TGM6: variants seen among roughly 807,000 people sequenced by gnomAD.
TGM6 encodes the protein transglutaminase 6.
TGM6 carries 74 observed loss-of-function variants against 77.5 expected under a neutral mutation model. The ratio of observed to expected loss-of-function variants is 0.96; its 90% CI spans 0.79 to 1.16. The LOEUF (loss-of-function observed/expected upper bound fraction) is 1.16. TGM6 is among the 50% of genes most tolerant of loss of function. The probability of loss-of-function intolerance (pLI) is 0.00; values close to 1 mark genes in which losing one functional copy is unlikely to be tolerated. For synonymous variants in TGM6, 383 were observed against 378.9 expected, an observed-to-expected ratio of 1.01 and a Z score of -0.12; for missense variants, 968 against 940.2, an observed-to-expected ratio of 1.03 and a Z score of -0.39.
At chr20:2,385,120 G>A (rs2084585732) in intron 1 of TGM6, among the ~76,000 whole-genome samples, 1 of 152,200 alleles carries the variant, frequency 6.6e-6, no homozygotes. Flanking sequence ...TCGGCCAAGG[G>A]AATTTGTGCC....
Position 2,403,891 on chromosome 20 carries a change from C to T in TGM6, c.1336+68C>T, listed in dbSNP as rs552753944. 2.1e-5 allele frequency: 34 copies of T among 1,612,504 alleles called. No individual in the cohort carries two copies. In the East Asian group the frequency reaches 7.4e-4, roughly 35 times the overall value. On this transcript the variant is annotated intron_variant, in intron 9 of 12. Transcript: ENST00000202625. The stretch of plus-strand genomic sequence containing the variant: ...CCCATCAGCTGCAGAGGGCCCACTG[C>T]AGGTGGCCTGGAGCCAGGCCTCACC...
In TGM6 at chr20:2,394,520, C is replaced by A. The variant is rs766248910; in HGVS notation, c.76C>A (p.Pro26Thr). Residue 26 changes from proline to threonine, a missense_variant, in exon 2 of 13, where the codon CCC (proline) becomes ACC (threonine). Physicochemically the swap from Pro to Thr is conservative, Grantham distance 38. Coordinates refer to ENST00000202625, the MANE Select transcript of TGM6 (RefSeq NM_198994.3). Reference protein sequence around the residue: ...NGAAHHTQEYPCPELVVRRGQ... With the variant: ...NGAAHHTQEYTCPELVVRRGQ... Reference sequence around the variant, plus strand: ...CGCTGCCCACCACACCCAGGAGTACCCCTGCCCTGAGCTGGTGGTTCGCAG... The same window carrying A: ...CGCTGCCCACCACACCCAGGAGTACACCTGCCCTGAGCTGGTGGTTCGCAG... 9 of 1,611,882 alleles carry A rather than the reference C, an allele frequency of 5.6e-6. No individual in the cohort carries two copies. Among genetic ancestry groups the A allele is most frequent in the Admixed American group, 1.7e-5 (1 of 60,016 alleles).
intron 1 of TGM6, among the ~76,000 whole-genome samples, chr20:2,385,850 G>A (rs1301721591): frequency 1.3e-5 from 2 of 152,140 alleles, no homozygotes; most frequent in African/African-American, 2.4e-5. Context: ...ATATGCCCTG[G>A]GCCCTTAACC....
intron 3 of TGM6, 82 bp downstream of exon 3, chr20:2,395,518 G>T (rs931938172): frequency 6.8e-6 from 11 of 1,611,140 alleles, no homozygotes; most frequent in Non-Finnish European, 9.3e-6. Context: ...GGGCCTGGGA[G>T]GTGGGTTAAA....
chr20:2,398,271 C>A (rs1030606227), intron 5 of TGM6, among the ~76,000 whole-genome samples: 1 of 152,148 alleles, frequency 6.6e-6, no homozygotes, highest in Non-Finnish European at 1.5e-5. Context: ...GGTTCCACTC[C>A]AAGATGCTTC....
chr20:2,410,897 T>A (rs2084780703), intron 9 of TGM6, among the ~76,000 whole-genome samples: 1 of 152,180 alleles, frequency 6.6e-6, no homozygotes, highest in Non-Finnish European at 1.5e-5. Flanking sequence ...TTACCAAAAC[T>A]ATCTCAAAAA....
At chr20:2,387,529 G>T (rs1006095070) in intron 1 of TGM6, among the ~76,000 whole-genome samples, 5 of 152,184 alleles carry the variant, frequency 3.3e-5, no homozygotes, top group African/African-American at 1.2e-4. Context: ...CCCATATCAT[G>T]ATGCCAGCAG....
rs375737445 is a variant in TGM6 at position 2,403,510 on chromosome 20, A to T, written c.1093+10A>T. On this transcript the variant is annotated intron_variant, in intron 8 of 12. Transcript: ENST00000202625. ...CAGGAGGAGAGTGAAGGTACGCTCA[A>T]TTGGGTGGGGTAAGTTCCAGACCCC... 1 of 1,614,088 alleles carries T rather than the reference A, an allele frequency of 6.2e-7. No individual in the cohort carries two copies. Among genetic ancestry groups the T allele is most frequent in the Non-Finnish European group, 8.5e-7 (1 of 1,180,008 alleles).
chr20:2,396,008 C>T (rs1232817179), intron 3 of TGM6, among the ~76,000 whole-genome samples: 2 of 151,898 alleles, frequency 1.3e-5, no homozygotes, highest in South Asian at 2.1e-4. Context: ...TGGAGAAATC[C>T]CGTCTCTACT....
rs754398234 is a variant in TGM6, at chr20:2,432,597, C to T, written c.2075C>T (p.Pro692Leu). 8.1e-6 allele frequency: 13 copies of T among 1,613,996 alleles called. No homozygotes were observed. Among genetic ancestry groups the T allele is most frequent in the African/African-American group, 4.0e-5 (3 of 74,896 alleles). Reference sequence around the variant, plus strand: ...GTGGACCTTGTAAGCCCTCACTTCCCGGACATCAAGGGCTTTGTGATCGTC... The same window carrying T: ...GTGGACCTTGTAAGCCCTCACTTCCTGGACATCAAGGGCTTTGTGATCGTC... ...LQVDLVSPHF[P>L]DIKGFVIVHV... is the part of the protein sequence containing the mutation. Residue 692 changes from proline (P) to leucine (L), a missense_variant, in exon 13 of 13, where the codon CCG becomes CTG. Pro to Leu is a moderately conservative substitution (Grantham distance 98). Coordinates refer to ENST00000202625, the MANE Select transcript of TGM6 (RefSeq NM_198994.3).
chr20:2,398,278 C>T (rs535556320), intron 5 of TGM6, among the ~76,000 whole-genome samples: 1 of 152,256 alleles, frequency 6.6e-6, no homozygotes, highest in East Asian at 1.9e-4. Context: ...CTCCAAGATG[C>T]TTCTTCTGGG....
chr20:2,403,954 T>C, intron 9 of TGM6, 131 bp downstream of exon 9: 1 of 1,479,270 alleles, frequency 6.8e-7, no homozygotes, highest in Non-Finnish European at 9.3e-7. Context: ...CCATTCACGT[T>C]GTCTCTGTGC....
At chr20:2,411,182 T>A (rs2048071967) in intron 9 of TGM6, among the ~76,000 whole-genome samples, 1 of 152,058 alleles carries the variant, frequency 6.6e-6, no homozygotes, top group Admixed American at 6.5e-5. Context: ...TACATATCTA[T>A]CTCCCTTATG....
intron 9 of TGM6, among the ~76,000 whole-genome samples, chr20:2,413,895 C>T (rs1038257346): frequency 1.3e-5 from 2 of 152,102 alleles, no homozygotes; most frequent in Admixed American, 6.6e-5. Context: ...AAAAATTGGA[C>T]TTTATCAAAG....
At chr20:2,382,815 G>C (rs2084565380) in intron 1 of TGM6, among the ~76,000 whole-genome samples, 1 of 152,096 alleles carries the variant, frequency 6.6e-6, no homozygotes, top group Non-Finnish European at 1.5e-5. Context: ...ATCCCTAGTT[G>C]ACCCCAGAGC....
intron 7 of TGM6, 76 bp from the exon 8 acceptor site, chr20:2,403,321 G>C (rs2084724092): frequency 6.6e-7 from 1 of 1,514,634 alleles, no homozygotes; most frequent in African/African-American, 1.4e-5. Context: ...GGGAGCCCAG[G>C]GCCTGCCTCT....
At chr20:2,397,327 G>A (rs1480941225) in intron 4 of TGM6, among the ~76,000 whole-genome samples, 1 of 152,172 alleles carries the variant, frequency 6.6e-6, no homozygotes, top group Non-Finnish European at 1.5e-5. Context: ...CAGGTCCCCG[G>A]TGGAAGAAAG....
In TGM6 at chr20:2,396,486, G is replaced by C; in HGVS notation, c.425-20G>C. 1 of 1,611,960 alleles carries C rather than the reference G, an allele frequency of 6.2e-7. No homozygotes were observed. The highest frequency in any genetic ancestry group is 1.1e-5 in the South Asian group (1 of 91,046). ...AGGCCAGAGCCCCAGTCCACACCGG[G>C]CCTGATGACTGCTTTTCAGAGGACG... On this transcript the variant is annotated intron_variant, in intron 3 of 12. Transcript: ENST00000202625.
intron 4 of TGM6, 21 bp from the exon 5 acceptor site, chr20:2,397,897 C>T (rs1437013594): frequency 6.2e-7 from 1 of 1,614,116 alleles, no homozygotes; most frequent in East Asian, 2.2e-5. Context: ...AGCCTCTAAG[C>T]ACAGCCTCTC....
Sources: gnomAD v4.1 joint callset for allele counts (sites outside exome capture counted in the v4.1 genomes callset) on GRCh38, gnomAD v4.1.1 for gene constraint, MANE v1.5 for transcripts, NCBI Gene and HGNC (gene_info 2026-07-23, HGNC 2026-07-21) for gene names.